Variants in CDH18 observed in about 807,000 individuals in gnomAD.
CDH18 encodes cadherin 18.
In CDH18, 31 loss-of-function variants were observed where a neutral mutation model predicts 67.9. That is an observed-to-expected ratio of 0.46 (90% CI 0.34 to 0.62). The LOEUF (loss-of-function observed/expected upper bound fraction) is 0.62, where lower values mean the gene tolerates loss of function less well. CDH18 is among the 20% of genes least tolerant of loss of function. The probability of loss-of-function intolerance (pLI) is 0.01; values close to 1 mark genes in which losing one functional copy is unlikely to be tolerated. For synonymous variants in CDH18, 362 were observed against 347.2 expected (o/e 1.04, Z -0.48); for missense variants, 890 against 975.5 (o/e 0.91, Z 1.17).
At chr5:20,204,623 T>TG (rs1382604003) in intron 2 of CDH18, among the ~76,000 whole-genome samples, 1 of 152,032 alleles carries the variant, frequency 6.6e-6, no homozygotes, top group Non-Finnish European at 1.5e-5. Flanking sequence ...AATTATAATG[T>TG]GTAATTCACT....
chr5:20,210,555 T>G (rs1010876597), intron 2 of CDH18, among the ~76,000 whole-genome samples: 1 of 152,022 alleles, frequency 6.6e-6, no homozygotes, highest in Non-Finnish European at 1.5e-5. Flanking sequence ...TTAAATTTGC[T>G]TTTGAGTAGT....
chr5:19,735,623 C>T lies in CDH18; in HGVS notation c.523+11319G>A, dbSNP rs185988487. ...TGTTAGCCAGGATGGTCTCAATCTC[C>T]TGACCTCATGATCCTCCCGCCTCGG... On this transcript the variant is annotated intron_variant, in intron 4 of 12. Coordinates refer to ENST00000382275, the MANE Select transcript of CDH18 (RefSeq NM_004934.5). Among the ~76,000 whole-genome samples the T allele has an allele frequency of 1.3e-3, 195 of 152,190 alleles. 1 individual carries two copies. Among genetic ancestry groups the T allele is most frequent in the African/African-American group, 4.6e-3 (190 of 41,542 alleles).
intron 4 of CDH18, among the ~76,000 whole-genome samples, chr5:19,732,221 G>C (rs1767695163): frequency 6.6e-6 from 1 of 151,766 alleles, no homozygotes; most frequent in African/African-American, 2.4e-5. Flanking sequence ...GAGCTCAGGA[G>C]TTTGAGCCCA....
intron 2 of CDH18, among the ~76,000 whole-genome samples, chr5:20,076,102 T>C (rs940312845): frequency 2.6e-5 from 4 of 152,106 alleles, no homozygotes; most frequent in Admixed American, 2.6e-4. Flanking sequence ...TAAATAAAAA[T>C]ATCTAAAACT....
chr5:20,007,940 T>C (rs1036030356), intron 2 of CDH18, among the ~76,000 whole-genome samples: 1 of 152,078 alleles, frequency 6.6e-6, no homozygotes, highest in African/African-American at 2.4e-5. Context: ...AATTGAGTAG[T>C]TTTGACAGAG....
intron 3 of CDH18, among the ~76,000 whole-genome samples, chr5:19,836,115 A>C (rs1781593485): frequency 6.6e-6 from 1 of 152,164 alleles, no homozygotes. Flanking sequence ...TCTTAGTTAG[A>C]TTAAAATTTT....
At chr5:19,581,318 C>T (rs569238825) in intron 7 of CDH18, among the ~76,000 whole-genome samples, 26 of 151,878 alleles carry the variant, frequency 1.7e-4, no homozygotes, top group Non-Finnish European at 2.8e-4. Context: ...AGTACTTTCT[C>T]CTCTAATATT....
chr5:19,678,999 A>G (rs6887118), intron 5 of CDH18, among the ~76,000 whole-genome samples: 31,994 of 151,910 alleles, frequency 0.21, 3,933 homozygotes, highest in Non-Finnish European at 0.26. Context: ...CAATGGAAAA[A>G]GAAAACATGA....
At chr5:19,826,320 A>T (rs1269769810) in intron 3 of CDH18, among the ~76,000 whole-genome samples, 5 of 152,194 alleles carry the variant, frequency 3.3e-5, no homozygotes, top group Non-Finnish European at 7.3e-5. Context: ...GACATTATCC[A>T]CAAAAACTTC....
chr5:19,764,194 C>T (rs1407040835), intron 3 of CDH18, among the ~76,000 whole-genome samples: 4 of 147,060 alleles, frequency 2.7e-5, no homozygotes, highest in Non-Finnish European at 6.0e-5. Context: ...AAAAAAAATA[C>T]AGTACATATA....
At chr5:20,160,947 G>A (rs1420510535) in intron 2 of CDH18, among the ~76,000 whole-genome samples, 1 of 152,126 alleles carries the variant, frequency 6.6e-6, no homozygotes, top group Admixed American at 6.5e-5. Context: ...AAAATTATAT[G>A]GAATTCAAAT....
intron 1 of CDH18, among the ~76,000 whole-genome samples, chr5:20,297,629 T>C (rs766066444): frequency 1.3e-5 from 2 of 152,198 alleles, no homozygotes; most frequent in Non-Finnish European, 2.9e-5. Flanking sequence ...CTGCTAAATA[T>C]ACAATTTGTC....
At chr5:19,515,181 C>G (rs1376897128) in intron 10 of CDH18, among the ~76,000 whole-genome samples, 1 of 152,130 alleles carries the variant, frequency 6.6e-6, no homozygotes, top group Non-Finnish European at 1.5e-5. Context: ...TTTCTGAGGG[C>G]TCTGTTCTGT....
chr5:20,196,150 ATTTG>A (rs1738957726), intron 2 of CDH18, among the ~76,000 whole-genome samples: 1 of 151,972 alleles, frequency 6.6e-6, no homozygotes, highest in Admixed American at 6.6e-5. Flanking sequence ...TGCATTTTTT[ATTTG>A]TTTGTTTTTC....
chr5:20,201,137 A>G (rs1370936451), intron 2 of CDH18, among the ~76,000 whole-genome samples: 2 of 151,796 alleles, frequency 1.3e-5, no homozygotes, highest in East Asian at 1.9e-4. Flanking sequence ...TTCCTTGCCT[A>G]TTGTAACTTC....
At chr5:19,723,518 G>A (rs1766386710) in intron 4 of CDH18, among the ~76,000 whole-genome samples, 1 of 152,076 alleles carries the variant, frequency 6.6e-6, no homozygotes, top group Non-Finnish European at 1.5e-5. Context: ...TGAGAGCTGT[G>A]TTATGTCTAA....
chr5:19,654,271 A>G (rs896432988), intron 5 of CDH18, among the ~76,000 whole-genome samples: 1 of 152,208 alleles, frequency 6.6e-6, no homozygotes, highest in Non-Finnish European at 1.5e-5. Context: ...TAGCACTTCT[A>G]TAATACTCTT....
intron 3 of CDH18, among the ~76,000 whole-genome samples, chr5:19,766,953 G>A (rs7732588): frequency 0.15 from 23,443 of 151,664 alleles, 4,683 homozygotes; most frequent in African/African-American, 0.46. Flanking sequence ...TTGAGGGGAG[G>A]AGCCAAATTT....
intron 1 of CDH18, among the ~76,000 whole-genome samples, chr5:20,296,531 G>A (rs1369201147): frequency 6.6e-6 from 1 of 152,046 alleles, no homozygotes; most frequent in Non-Finnish European, 1.5e-5. Flanking sequence ...AAAGTGCTGG[G>A]ATTACAGGCG....
Sources: allele counts gnomAD v4.1 joint callset (sites outside exome capture counted in the v4.1 genomes callset), GRCh38; gene constraint gnomAD v4.1.1; transcripts MANE v1.5; gene names NCBI Gene and HGNC (gene_info 2026-07-23, HGNC 2026-07-21).